XPNPEP3: variants seen among roughly 807,000 people sequenced by gnomAD.
The protein encoded by XPNPEP3 is xaa-Pro aminopeptidase 3.
XPNPEP3 carries 41 observed loss-of-function variants against 60.0 expected under a neutral mutation model. The ratio of observed to expected loss-of-function variants is 0.68; its 90% confidence interval spans 0.53 to 0.89. XPNPEP3 has a LOEUF of 0.89. Among genes scored for constraint, XPNPEP3 ranks in the 40% least tolerant of loss-of-function variants. XPNPEP3 has a pLI of 0.00. For synonymous variants in XPNPEP3, 212 were observed against 223.2 expected (o/e 0.95, Z 0.45); for missense variants, 598 against 638.9 (o/e 0.94, Z 0.69).
At position 40,929,952 on chromosome 22, in the gene XPNPEP3, A is replaced by T. The variant is rs998610851; in HGVS notation, c.*3517A>T. 6.6e-6 allele frequency: 1 copy of T among 152,078 alleles called. No individual in the cohort carries two copies. The highest frequency in any genetic ancestry group is 6.6e-5 in the Admixed American group (1 of 15,240). 9.4% of individuals were successfully genotyped at this position (152,078 alleles called of 1,614,324 possible). On this transcript the variant is annotated 3_prime_UTR_variant, in exon 10 of 10. Transcript: ENST00000357137. ...TTAAAATTCTTAAAATTTAGGTTAA[A>T]GTTTGCTGGTCTCTTACATTTAATA...
intron 4 of XPNPEP3, among the ~76,000 whole-genome samples, chr22:40,893,499 CTA>C (rs1048976503): frequency 3.8e-5 from 4 of 105,542 alleles, no homozygotes; most frequent in African/African-American, 1.2e-4. Context: ...GAGTGAAACT[CTA>C]TCTCAAAAAA....
chr22:40,857,198 C>T lies in XPNPEP3; in HGVS notation c.17C>T (p.Ser6Leu). Residue 6 changes from serine to leucine, a missense_variant, in exon 1 of 10, where the codon TCA (serine) becomes TTA (leucine). Physicochemically the swap from Ser to Leu is moderately radical, Grantham distance 145. Coordinates refer to ENST00000357137, the MANE Select transcript of XPNPEP3 (RefSeq NM_022098.4). ...TAGGCCGTAATGCCTTGGCTGCTCT[C>T]AGCCCCCAAGCTGGTTCCCGCTGTA... MPWLL[S>L]APKLVPAVAN... 1 of 1,614,228 alleles carries T rather than the reference C, an allele frequency of 6.2e-7. No homozygotes were observed. The highest frequency in any genetic ancestry group is 8.5e-7 in the Non-Finnish European group (1 of 1,180,042).
chr22:40,918,513 A>C (rs749734852), intron 7 of XPNPEP3, among the ~76,000 whole-genome samples: 49 of 150,910 alleles, frequency 3.2e-4, no homozygotes, highest in Non-Finnish European at 6.2e-4. Flanking sequence ...CTCTACTAAA[A>C]ACACACACAC....
chr22:40,890,638 G>T (rs955033392), intron 4 of XPNPEP3, among the ~76,000 whole-genome samples: 4 of 151,402 alleles, frequency 2.6e-5, no homozygotes, highest in African/African-American at 7.3e-5. Flanking sequence ...AGGCCAAGGT[G>T]GGCAGATCAC....
chr22:40,920,584 C>T (rs1303106900), intron 7 of XPNPEP3, among the ~76,000 whole-genome samples: 1 of 152,146 alleles, frequency 6.6e-6, no homozygotes, highest in Non-Finnish European at 1.5e-5. Flanking sequence ...GTTTGTGTTT[C>T]AGCCAGCTAG....
chr22:40,873,504 C>T (rs1425522111), intron 2 of XPNPEP3, among the ~76,000 whole-genome samples: 6 of 152,006 alleles, frequency 3.9e-5, no homozygotes, highest in African/African-American at 1.2e-4. Flanking sequence ...CACCATTTAC[C>T]GTTTCATCTC....
intron 4 of XPNPEP3, among the ~76,000 whole-genome samples, chr22:40,897,199 T>C (rs1292654676): frequency 6.6e-6 from 1 of 152,006 alleles, no homozygotes; most frequent in South Asian, 2.1e-4. Context: ...GGCTAATTTT[T>C]TTGTATTTTT....
At chr22:40,868,160 G>A (rs1412033937) in intron 1 of XPNPEP3, among the ~76,000 whole-genome samples, 1 of 152,108 alleles carries the variant, frequency 6.6e-6, no homozygotes, top group African/African-American at 2.4e-5. Flanking sequence ...AACATTTGTT[G>A]TACTCTATGA....
intron 4 of XPNPEP3, among the ~76,000 whole-genome samples, chr22:40,889,171 C>T (rs1046533181): frequency 1.3e-5 from 2 of 151,614 alleles, no homozygotes; most frequent in Admixed American, 6.6e-5. Flanking sequence ...GCTTGGATTA[C>T]AGGCACATAC....
At chr22:40,862,704 C>T (rs2057957623) in intron 1 of XPNPEP3, 1 of 985,308 alleles carries the variant, frequency 1.0e-6, no homozygotes, top group African/African-American at 1.7e-5. Flanking sequence ...ATTATAGTAT[C>T]TTTGTCCACC....
At chr22:40,887,901 G>C (rs992129872) in intron 4 of XPNPEP3, among the ~76,000 whole-genome samples, 1 of 151,622 alleles carries the variant, frequency 6.6e-6, no homozygotes, top group Non-Finnish European at 1.5e-5. Context: ...TCTCTCCAAG[G>C]TGTTGGCCAT....
intron 7 of XPNPEP3, among the ~76,000 whole-genome samples, chr22:40,914,994 A>G (rs2058190856): frequency 6.6e-6 from 1 of 152,010 alleles, no homozygotes; most frequent in African/African-American, 2.4e-5. Flanking sequence ...GAAAAAAATC[A>G]AAATAAAAGG....
chr22:40,861,187 T>C (rs999799053), intron 1 of XPNPEP3: 9 of 1,614,154 alleles, frequency 5.6e-6, no homozygotes, highest in South Asian at 1.1e-5. Context: ...ACCCAAGATA[T>C]ACCTCCCTCA....
chr22:40,884,287 A>T (rs1431008824), intron 3 of XPNPEP3, among the ~76,000 whole-genome samples: 1 of 149,952 alleles, frequency 6.7e-6, no homozygotes, highest in East Asian at 1.9e-4. Flanking sequence ...TATAGTTACA[A>T]TCTCATGTAA....
intron 4 of XPNPEP3, among the ~76,000 whole-genome samples, 156 bp from the exon 5 acceptor site, chr22:40,907,431 C>CA (rs951661261): frequency 7.9e-5 from 12 of 151,242 alleles, no homozygotes; most frequent in African/African-American, 2.4e-4. Context: ...AAAAAAAAAA[C>CA]AAAAAAAACT....
intron 3 of XPNPEP3, among the ~76,000 whole-genome samples, chr22:40,885,279 G>A (rs1443328437): frequency 1.3e-5 from 2 of 152,050 alleles, no homozygotes; most frequent in Admixed American, 6.6e-5. Context: ...TGGATTGTTA[G>A]GAATACTGTT....
rs553281708 is a variant in XPNPEP3, at chr22:40,913,456, A to C, written c.970-783A>C. 3.6e-3 allele frequency among the ~76,000 whole-genome samples: 539 copies of C among 150,014 alleles called. 5 individuals carry two copies. Among genetic ancestry groups the C allele is most frequent in the African/African-American group, 0.013 (522 of 40,898 alleles). On this transcript the variant is annotated intron_variant, in intron 6 of 9. Coordinates refer to ENST00000357137, the MANE Select transcript of XPNPEP3 (RefSeq NM_022098.4). The stretch of plus-strand genomic sequence containing the variant: ...CTGTCTCAAAAAAAAAAAAAAAAAG[A>C]GGGAAGTGATATTCCAAGGTTAAGT...
At chr22:40,901,936 G>T (rs1424955458) in intron 4 of XPNPEP3, among the ~76,000 whole-genome samples, 3 of 152,120 alleles carry the variant, frequency 2.0e-5, no homozygotes, top group Non-Finnish European at 4.4e-5. Context: ...AGAGGTGGTG[G>T]TTGCAAAACA....
intron 5 of XPNPEP3, among the ~76,000 whole-genome samples, chr22:40,908,103 AT>A (rs1345706641): frequency 1.3e-5 from 2 of 152,070 alleles, no homozygotes; most frequent in Non-Finnish European, 2.9e-5. Context: ...AATCCCAGCT[AT>A]TCAAGTGGCT....
Sources: allele counts gnomAD v4.1 joint callset (sites outside exome capture counted in the v4.1 genomes callset), GRCh38; gene constraint gnomAD v4.1.1; transcripts MANE v1.5; gene names NCBI Gene and HGNC (gene_info 2026-07-23, HGNC 2026-07-21).